The following EFCAB11 variants were observed in gnomAD, a reference collection of about 807,000 sequenced individuals.
The protein encoded by EFCAB11 is EF-hand calcium-binding domain-containing protein 11.
Under a neutral mutation model 23.0 loss-of-function variants are expected in EFCAB11, and 14 were observed. That is an observed-to-expected ratio of 0.61 (90% CI 0.40 to 0.95). EFCAB11 has a LOEUF of 0.95. Ranked by LOEUF, EFCAB11 falls within the 40% of genes least tolerant of loss-of-function variation. The pLI, the probability that EFCAB11 is intolerant of heterozygous loss-of-function variation, is 0.00. For synonymous variants in EFCAB11, 65 were observed against 66.6 expected (o/e 0.98, Z 0.11); for missense variants, 198 against 195.8 (o/e 1.01, Z -0.07).
At chr14:89,865,912 C>T (rs745864637) in intron 5 of EFCAB11, among the ~76,000 whole-genome samples, 156 of 152,034 alleles carry the variant, frequency 1.0e-3, no homozygotes, top group Non-Finnish European at 1.8e-3. Context: ...AAGTGATCTG[C>T]CTGTCTCAGC....
intron 5 of EFCAB11, among the ~76,000 whole-genome samples, chr14:89,862,379 G>A (rs1481201773): frequency 3.9e-5 from 6 of 152,084 alleles, no homozygotes; most frequent in Admixed American, 1.3e-4. Flanking sequence ...TTTCTTTCCT[G>A]TAACACTTTT....
In EFCAB11 at chr14:89,795,613, G is replaced by A. The variant is rs2140066707; in HGVS notation, c.*1630C>T. ...TCCCAGGAGGCGGAAGTTGCAGTGA[G>A]CCGAGATCGCGCACTGTACTCCAGC... On this transcript the variant is annotated 3_prime_UTR_variant, in exon 6 of 6. Coordinates refer to ENST00000316738, the MANE Select transcript of EFCAB11 (RefSeq NM_145231.4). 1 of 152,132 alleles carries A rather than the reference G, an allele frequency of 6.6e-6. No homozygotes were observed. The highest frequency in any genetic ancestry group is 2.0e-4 in the East Asian group (1 of 5,114). The allele number at this position is 152,132 out of a possible 1,614,324, so 9.4% of individuals were successfully genotyped here.
chr14:89,925,492 G>GCAC (rs1890160788), intron 5 of EFCAB11, among the ~76,000 whole-genome samples: 1 of 152,108 alleles, frequency 6.6e-6, no homozygotes, highest in Non-Finnish European at 1.5e-5. Flanking sequence ...AGTACAAACA[G>GCAC]TACTATAGTA....
rs139281501 is a variant in EFCAB11, at chr14:89,856,484, C to T, written c.411-59160G>A. Among the ~76,000 whole-genome samples, 278 of 152,194 alleles carry T rather than the reference C, an allele frequency of 1.8e-3. 3 individuals are homozygous for T. The highest frequency in any genetic ancestry group is 6.3e-3 in the African/African-American group (262 of 41,528). On this transcript the variant is annotated intron_variant, in intron 5 of 5. Transcript: ENST00000316738. Reference sequence around the variant, plus strand: ...GGATTACAGGCATGAGTCACCATGCCGTATTTTGAATTTCTTTAGAAATCT... The same window carrying T: ...GGATTACAGGCATGAGTCACCATGCTGTATTTTGAATTTCTTTAGAAATCT...
chr14:89,855,214 G>A (rs572311392), intron 5 of EFCAB11, among the ~76,000 whole-genome samples: 1 of 151,590 alleles, frequency 6.6e-6, no homozygotes, highest in African/African-American at 2.4e-5. Context: ...GTGGTGGCAT[G>A]CCTGTAATCC....
At chr14:89,828,223 C>T (rs540528062) in intron 5 of EFCAB11, among the ~76,000 whole-genome samples, 1 of 152,002 alleles carries the variant, frequency 6.6e-6, no homozygotes, top group South Asian at 2.1e-4. Context: ...GTTAACTGTA[C>T]CCTAAAAGTG....
intron 5 of EFCAB11, among the ~76,000 whole-genome samples, chr14:89,848,171 C>T (rs921355077): frequency 4.6e-5 from 7 of 151,974 alleles, no homozygotes; most frequent in Admixed American, 3.3e-4. Context: ...TATTAGTGAC[C>T]CCATTTCACA....
chr14:89,866,237 C>T (rs561185361), intron 5 of EFCAB11, among the ~76,000 whole-genome samples: 6 of 152,168 alleles, frequency 3.9e-5, no homozygotes, highest in Non-Finnish European at 8.8e-5. Flanking sequence ...CTTCTGGGCA[C>T]CCCTAAATGA....
chr14:89,849,194 T>C (rs1887521528), intron 5 of EFCAB11, among the ~76,000 whole-genome samples: 1 of 152,196 alleles, frequency 6.6e-6, no homozygotes, highest in African/African-American at 2.4e-5. Flanking sequence ...AATGTTATGG[T>C]TGCTTCACCT....
At chr14:89,931,046 C>T (rs1279904469) in intron 5 of EFCAB11, 1 of 152,672 alleles carries the variant, frequency 6.5e-6, no homozygotes, top group Non-Finnish European at 1.5e-5. Context: ...TCCACTTTAT[C>T]AGGTATGTGT....
chr14:89,953,368 G>A (rs1891257032), intron 2 of EFCAB11, among the ~76,000 whole-genome samples: 1 of 152,188 alleles, frequency 6.6e-6, no homozygotes, highest in South Asian at 2.1e-4. Context: ...ACCCATTTAT[G>A]TTTTCAATAA....
At chr14:89,940,016 C>T (rs1001698199) in intron 3 of EFCAB11, among the ~76,000 whole-genome samples, 1 of 152,148 alleles carries the variant, frequency 6.6e-6, no homozygotes, top group Non-Finnish European at 1.5e-5. Flanking sequence ...GGATTACAGG[C>T]GTGAGCCACC....
intron 5 of EFCAB11, among the ~76,000 whole-genome samples, chr14:89,802,207 TAAAAA>T (rs35720736): frequency 3.7e-5 from 5 of 136,090 alleles, no homozygotes; most frequent in Non-Finnish European, 7.9e-5. Context: ...CCAAGTTACT[TAAAAA>T]AAAAAAAAAA....
chr14:89,843,906 A>C (rs1887348537), intron 5 of EFCAB11, among the ~76,000 whole-genome samples: 1 of 152,248 alleles, frequency 6.6e-6, no homozygotes, highest in Admixed American at 6.5e-5. Context: ...GGTGAATACA[A>C]GTTTCTCAAA....
intron 5 of EFCAB11, among the ~76,000 whole-genome samples, chr14:89,802,098 GT>G (rs1474268902): frequency 2.6e-5 from 4 of 151,716 alleles, no homozygotes; most frequent in African/African-American, 9.7e-5. Flanking sequence ...TCTGAAAGTG[GT>G]TATTTCTTGG....
At chr14:89,850,054 C>T (rs1382603202) in intron 5 of EFCAB11, among the ~76,000 whole-genome samples, 1 of 152,156 alleles carries the variant, frequency 6.6e-6, no homozygotes, top group Non-Finnish European at 1.5e-5. Flanking sequence ...GGCATCTCTT[C>T]TGCCACATGT....
chr14:89,951,330 C>CT lies in EFCAB11; in HGVS notation c.172-1189dup, dbSNP rs576953302. Among the ~76,000 whole-genome samples, 309 of 152,246 alleles carry CT rather than the reference C, an allele frequency of 2.0e-3. 1 individual carries two copies. Among genetic ancestry groups the CT allele is most frequent in the African/African-American group, 6.7e-3 (280 of 41,548 alleles). Reference sequence around the variant, plus strand: ...CATCCAATCAGTCATCAGGGCCTAACTTGTCCCACCACCCACAAAGTGTTC... The same window carrying CT: ...CATCCAATCAGTCATCAGGGCCTAACTTTGTCCCACCACCCACAAAGTGTTC... On this transcript the variant is annotated intron_variant, in intron 2 of 5. Coordinates refer to ENST00000316738, the MANE Select transcript of EFCAB11 (RefSeq NM_145231.4).
intron 5 of EFCAB11, among the ~76,000 whole-genome samples, chr14:89,814,671 T>C (rs187380550): frequency 2.4e-3 from 363 of 150,444 alleles, no homozygotes; most frequent in African/African-American, 8.6e-3. Context: ...GCCATTGCAC[T>C]CCAGCCTGGG....
chr14:89,896,658 CA>C (rs1312848764), intron 5 of EFCAB11, among the ~76,000 whole-genome samples: 1 of 152,074 alleles, frequency 6.6e-6, no homozygotes, highest in African/African-American at 2.4e-5. Context: ...GAAACAAAGA[CA>C]AACTGTGGTA....
Sources: allele counts gnomAD v4.1 joint callset (sites outside exome capture counted in the v4.1 genomes callset), GRCh38; gene constraint gnomAD v4.1.1; transcripts MANE v1.5; gene names NCBI Gene and HGNC (gene_info 2026-07-23, HGNC 2026-07-21).